PCCB: variants seen among roughly 807,000 people sequenced by gnomAD.
The protein encoded by PCCB is propionyl-CoA carboxylase beta chain, mitochondrial.
In PCCB, 43 loss-of-function variants were observed where a neutral mutation model predicts 60.7. The observed-to-expected ratio is 0.71, with a 90% CI of 0.55 to 0.91. The LOEUF (loss-of-function observed/expected upper bound fraction) is 0.91, where lower values mean the gene tolerates loss of function less well. PCCB is among the 40% of genes least tolerant of loss of function. The probability of loss-of-function intolerance (pLI) is 0.00; values close to 1 mark genes in which losing one functional copy is unlikely to be tolerated. For missense variants in PCCB, 766 were observed against 702.8 expected (o/e 1.09, Z -1.02); for synonymous variants, 276 against 255.9 (o/e 1.08, Z -0.75).
chr3:136,299,437 T>C (rs150726832), intron 8 of PCCB, among the ~76,000 whole-genome samples: 138 of 151,978 alleles, frequency 9.1e-4, no homozygotes, highest in Admixed American at 1.4e-3. Flanking sequence ...TATGCTTATG[T>C]ATATATGCAT....
chr3:136,283,703 T>G (rs911457566), intron 5 of PCCB, 134 bp from the exon 6 acceptor site: 4 of 672,954 alleles, frequency 5.9e-6, no homozygotes, highest in African/African-American at 3.6e-5. Flanking sequence ...CTTCACTGAT[T>G]AGGTCTGTTG....
chr3:136,309,579 C>T (rs1167694698), intron 9 of PCCB, among the ~76,000 whole-genome samples: 5 of 151,202 alleles, frequency 3.3e-5, no homozygotes, highest in African/African-American at 9.7e-5. Context: ...GTGGGAGGAT[C>T]GCTTGAAGCC....
chr3:136,268,134 A>C (rs1473573038), intron 5 of PCCB, among the ~76,000 whole-genome samples: 2 of 136,950 alleles, frequency 1.5e-5, no homozygotes, highest in African/African-American at 5.7e-5. Flanking sequence ...ATATATATAT[A>C]TATATATCTA....
rs375496057 is a variant in PCCB, at chr3:136,330,048, C to T, written c.*22C>T. On this transcript the variant is annotated 3_prime_UTR_variant, in exon 15 of 15. Transcript: ENST00000251654. ...GTAAACAAATCAAAGGAAAAGAAAC[C>T]AAGAACTGAATTACTGTCTGCCCAT... 6.2e-7 allele frequency: 1 copy of T among 1,613,794 alleles called. No individual in the cohort carries two copies. The highest frequency in any genetic ancestry group is 1.7e-5 in the Admixed American group (1 of 60,002).
intron 7 of PCCB, among the ~76,000 whole-genome samples, chr3:136,294,959 T>C (rs966120168): frequency 6.6e-6 from 1 of 152,180 alleles, no homozygotes; most frequent in East Asian, 1.9e-4. Context: ...GTTTAAAATG[T>C]ATAAAGATTA....
Position 136,250,695 on chromosome 3 carries a change from G to A in PCCB, c.183+137G>A. On this transcript the variant is annotated intron_variant, in intron 1 of 14. Transcript: ENST00000251654. The stretch of plus-strand genomic sequence containing the variant: ...GGGCCGGAGCAAGGGTGTTCACCTT[G>A]AAAACCTGTAGCGTTTCTCGTGGAG... The A allele has an allele frequency of 3.6e-6, 3 of 837,824 alleles. No individual in the cohort carries two copies. In the South Asian group the frequency reaches 5.8e-5, roughly 16 times the overall value. The allele number at this position is 837,824 out of a possible 1,614,324, so 51.9% of individuals were successfully genotyped here.
intron 6 of PCCB, among the ~76,000 whole-genome samples, chr3:136,285,552 G>T (rs1234293519): frequency 2.1e-5 from 3 of 144,364 alleles, no homozygotes; most frequent in East Asian, 2.0e-4. Context: ...CCACTAAATC[G>T]TTTTTTTTTT....
intron 5 of PCCB, among the ~76,000 whole-genome samples, chr3:136,278,010 G>C (rs1942378266): frequency 6.6e-6 from 1 of 152,174 alleles, no homozygotes; most frequent in East Asian, 1.9e-4. Flanking sequence ...ATCTTGAAAT[G>C]GGGAGATTCT....
intron 13 of PCCB, 121 bp from the exon 14 acceptor site, chr3:136,328,637 C>T: frequency 1.3e-6 from 1 of 767,894 alleles, no homozygotes; most frequent in Non-Finnish European, 2.3e-6. Flanking sequence ...TTAGAGATGG[C>T]ACTTCCCCTC....
chr3:136,283,694 T>G (rs1353373128), intron 5 of PCCB, 143 bp from the exon 6 acceptor site: 1 of 644,400 alleles, frequency 1.6e-6, no homozygotes, highest in Non-Finnish European at 2.8e-6. Context: ...CTTAAAGAAC[T>G]TCACTGATTA....
rs1268559179 is a variant in PCCB at position 136,253,122 on chromosome 3, C to T, written c.183+2564C>T. 5.4e-5 allele frequency among the ~76,000 whole-genome samples: 6 copies of T among 111,138 alleles called. No homozygotes were observed. The East Asian group carries it at 1.3e-3, about 24-fold the overall frequency. 72.9% of individuals were successfully genotyped at this position (111,138 alleles called of 152,430 possible). A position where few individuals can be genotyped will look rare whatever the true frequency, so the allele number is the denominator to read the frequency against. On this transcript the variant is annotated intron_variant, in intron 1 of 14. Coordinates refer to ENST00000251654, the MANE Select transcript of PCCB (RefSeq NM_000532.5). ...TTTTTTTTTTTAAGATAGAGTCTTG[C>T]TCTGTCACCCAGGCTGGAGTGCAGT...
chr3:136,256,472 G>A, intron 2 of PCCB, 83 bp from the exon 3 acceptor site: 1 of 987,182 alleles, frequency 1.0e-6, no homozygotes, highest in Non-Finnish European at 1.6e-6. Flanking sequence ...TTTTGTTTTT[G>A]TCTTTCATTG....
At chr3:136,279,619 A>G (rs1353065896) in intron 5 of PCCB, among the ~76,000 whole-genome samples, 47 of 152,228 alleles carry the variant, frequency 3.1e-4, no homozygotes, top group Admixed American at 3.1e-3. Flanking sequence ...TGTTATACTC[A>G]TTAACAACAG....
At position 136,250,470 on chromosome 3, in the gene PCCB, C is replaced by T. The variant is rs2108127907; in HGVS notation, c.95C>T (p.Ala32Val). Residue 32 changes from alanine to valine, a missense_variant, in exon 1 of 15, where the codon GCC (alanine) becomes GTC (valine). Physicochemically the swap from Ala to Val is moderately conservative, Grantham distance 64. Coordinates refer to ENST00000251654, the MANE Select transcript of PCCB (RefSeq NM_000532.5). Reference protein sequence around the residue: ...RAAVRSLCSQATSVNERIENK... With the variant: ...RAAVRSLCSQVTSVNERIENK... ...GCGGTCCGCAGCCTTTGCAGCCAGG[C>T]CACCTCTGTTAACGAACGCATCGAA... The T allele has an allele frequency of 6.2e-7, 1 of 1,611,376 alleles. No individual in the cohort carries two copies. Among genetic ancestry groups the T allele is most frequent in the Non-Finnish European group, 8.5e-7 (1 of 1,179,014 alleles).
At chr3:136,308,563 G>A (rs895433383) in intron 9 of PCCB, among the ~76,000 whole-genome samples, 13 of 152,122 alleles carry the variant, frequency 8.5e-5, no homozygotes, top group African/African-American at 3.1e-4. Flanking sequence ...TAATAATTTA[G>A]GAGACCTAAA....
chr3:136,326,881 C>T lies in PCCB; in HGVS notation c.1169C>T (p.Thr390Ile), dbSNP rs201880353. 49 of 1,612,134 alleles carry T rather than the reference C, an allele frequency of 3.0e-5. 1 individual carries two copies. In the Admixed American group the frequency reaches 8.0e-4, roughly 26 times the overall value. Residue 390 changes from threonine to isoleucine, a missense_variant, in exon 11 of 15, where the codon ACT (threonine) becomes ATT (isoleucine). By Grantham distance (89) the Thr-to-Ile change is moderately conservative (BLOSUM62 -1). Coordinates refer to ENST00000251654, the MANE Select transcript of PCCB (RefSeq NM_000532.5). ...FCDAFNIPLI[T>I]FVDVPGFLPG... is the part of the protein sequence containing the mutation. ...GATGCATTCAATATTCCACTCATCA[C>T]TTTTGTTGATGTCCCTGGCTTTCTA...
chr3:136,324,401 C>G (rs1935220658), intron 10 of PCCB, among the ~76,000 whole-genome samples: 1 of 152,212 alleles, frequency 6.6e-6, no homozygotes, highest in Admixed American at 6.5e-5. Context: ...TTGAGATCAG[C>G]TCAAGGTTAA....
At chr3:136,264,430 ATGTG>A (rs144141514) in intron 5 of PCCB, among the ~76,000 whole-genome samples, 2 of 129,336 alleles carry the variant, frequency 1.5e-5, no homozygotes, top group African/African-American at 3.3e-5. Context: ...TCTCATATAT[ATGTG>A]TGTGTGTATA....
At chr3:136,268,282 A>G (rs1268097759) in intron 5 of PCCB, among the ~76,000 whole-genome samples, 1 of 151,292 alleles carries the variant, frequency 6.6e-6, no homozygotes, top group Admixed American at 6.6e-5. Context: ...TGACATAACT[A>G]TTCTTTCCCC....
Sources: allele counts gnomAD v4.1 joint callset (sites outside exome capture counted in the v4.1 genomes callset), GRCh38; gene constraint gnomAD v4.1.1; transcripts MANE v1.5; gene names NCBI Gene and HGNC (gene_info 2026-07-23, HGNC 2026-07-21).